CCM2: variants seen among roughly 807,000 people sequenced by gnomAD.
The protein encoded by CCM2 is cerebral cavernous malformations 2 protein.
CCM2 carries 25 observed loss-of-function variants against 44.9 expected under a neutral mutation model. That is an observed-to-expected ratio of 0.56 (90% CI 0.41 to 0.78). The LOEUF (loss-of-function observed/expected upper bound fraction) is 0.78. Ranked by LOEUF, CCM2 falls within the 30% of genes least tolerant of loss-of-function variation. CCM2 has a pLI of 0.00. For missense variants in CCM2, 481 were observed against 580.6 expected, an observed-to-expected ratio of 0.83 and a Z score of 1.76; for synonymous variants, 219 against 241.1, an observed-to-expected ratio of 0.91 and a Z score of 0.85.
Position 45,051,554 on chromosome 7 carries a change from C to T in CCM2, c.205-12364C>T, listed in dbSNP as rs573280188. Among the ~76,000 whole-genome samples, 11 of 151,662 alleles carry T rather than the reference C, an allele frequency of 7.3e-5. No individual in the cohort carries two copies. The East Asian group carries it at 1.8e-3, about 24-fold the overall frequency. On this transcript the variant is annotated intron_variant, in intron 2 of 9. Coordinates refer to ENST00000258781, the MANE Select transcript of CCM2 (RefSeq NM_031443.4). ...CCGGGACTACAGGCGCCCGTCACCA[C>T]GCCTGGCTAATTTATTTATTTATTG...
intron 5 of CCM2, among the ~76,000 whole-genome samples, chr7:45,068,907 TTC>T (rs1798918800): frequency 6.6e-6 from 1 of 152,142 alleles, no homozygotes; most frequent in Admixed American, 6.5e-5. Context: ...CCCCAGCAAC[TTC>T]TCTGAGACCA....
chr7:45,006,272 G>A (rs1795844030), intron 1 of CCM2, among the ~76,000 whole-genome samples: 1 of 152,060 alleles, frequency 6.6e-6, no homozygotes, highest in South Asian at 2.1e-4. Flanking sequence ...TCCCCTCAGA[G>A]TCATGTGCTG....
intron 2 of CCM2, among the ~76,000 whole-genome samples, chr7:45,056,729 T>A (rs79400591): frequency 0.016 from 2,416 of 152,340 alleles, 27 homozygotes; most frequent in Middle Eastern, 0.092. Context: ...TATTAATCCC[T>A]TATCAGATAT....
intron 6 of CCM2, 130 bp downstream of exon 6, chr7:45,070,091 C>A: frequency 8.2e-7 from 1 of 1,217,966 alleles, no homozygotes; most frequent in Non-Finnish European, 1.2e-6. Flanking sequence ...CTTTTGTTTC[C>A]AGACTTTGCT....
intron 2 of CCM2, among the ~76,000 whole-genome samples, chr7:45,046,903 A>G (rs1466494257): frequency 1.3e-5 from 2 of 152,246 alleles, no homozygotes; most frequent in Non-Finnish European, 2.9e-5. Flanking sequence ...CGATTAAGAC[A>G]TAAGCAAAAG....
chr7:45,061,901 A>G (rs930443056), intron 2 of CCM2, among the ~76,000 whole-genome samples: 11 of 152,130 alleles, frequency 7.2e-5, no homozygotes, highest in African/African-American at 2.7e-4. Flanking sequence ...TCAGACTGGT[A>G]TGGGGACCTC....
chr7:45,072,928 A>G (rs1290387145), intron 7 of CCM2, 145 bp downstream of exon 7: 2 of 740,836 alleles, frequency 2.7e-6, no homozygotes, highest in Admixed American at 3.9e-5. Flanking sequence ...AGCTTAGTGA[A>G]TGGCTGAGGC....
chr7:45,055,857 C>T (rs918116402), intron 2 of CCM2, among the ~76,000 whole-genome samples: 1 of 152,086 alleles, frequency 6.6e-6, no homozygotes, highest in African/African-American at 2.4e-5. Flanking sequence ...CTCCCACAGC[C>T]CCTGGCAACC....
chr7:45,042,090 A>G (rs1220890136), intron 2 of CCM2, among the ~76,000 whole-genome samples: 1 of 152,104 alleles, frequency 6.6e-6, no homozygotes, highest in East Asian at 1.9e-4. Context: ...CCTGACCAAC[A>G]TGGTGAAACC....
chr7:45,033,207 C>A (rs1399016011), intron 1 of CCM2, among the ~76,000 whole-genome samples: 3 of 152,170 alleles, frequency 2.0e-5, no homozygotes, highest in African/African-American at 7.2e-5. Flanking sequence ...TTCTCACTGC[C>A]TAACTGCAGA....
At chr7:45,055,902 T>C (rs892844719) in intron 2 of CCM2, among the ~76,000 whole-genome samples, 1 of 152,248 alleles carries the variant, frequency 6.6e-6, no homozygotes, top group African/African-American at 2.4e-5. Flanking sequence ...ATTTGACTAC[T>C]CTAGGTATCT....
chr7:45,022,833 C>T (rs759513383), intron 1 of CCM2, among the ~76,000 whole-genome samples: 7 of 151,916 alleles, frequency 4.6e-5, no homozygotes, highest in East Asian at 1.9e-4. Flanking sequence ...CTCTGCCTCC[C>T]GACCTCAAGC....
Position 45,075,817 on chromosome 7 carries a change from C to T in CCM2, c.1095C>T (p.Phe365=), listed in dbSNP as rs199522537. The change falls in exon 10 of 10, where the codon TTC becomes TTT. Residue 365 remains phenylalanine, a synonymous_variant. Coordinates refer to ENST00000258781, the MANE Select transcript of CCM2 (RefSeq NM_031443.4). ...TCCCTGAGAAGGACAGCCAGCACTT[C>T]GAGAACTTCCTGGAGACCATTGGCG... ...PFIPEKDSQH[F]ENFLETIGVK... is the part of the protein sequence containing the mutation. The T allele has an allele frequency of 2.7e-5, 43 of 1,613,658 alleles. No homozygotes were observed. The highest frequency in any genetic ancestry group is 1.3e-4 in the Admixed American group (8 of 60,004).
chr7:45,064,610 C>A lies in CCM2; in HGVS notation c.436C>A (p.Arg146=). The part of the protein sequence containing the change: ...IHDIAAVSYV[R]DDAAHLVVLK... ...TGACATCGCCGCCGTCTCCTATGTT[C>A]GGGATGACGCTGCACACCTGGTGGT... The change falls in exon 4 of 10, where the codon CGG becomes AGG. Residue 146 remains arginine (R), a synonymous_variant. Transcript: ENST00000258781. The A allele has an allele frequency of 1.2e-6, 2 of 1,613,964 alleles. No homozygotes were observed. The highest frequency in any genetic ancestry group is 2.2e-5 in the South Asian group (2 of 91,070).
intron 2 of CCM2, among the ~76,000 whole-genome samples, chr7:45,043,273 T>G (rs1369972868): frequency 6.6e-6 from 1 of 152,146 alleles, no homozygotes; most frequent in African/African-American, 2.4e-5. Context: ...TTGGAATATT[T>G]TCTGACTCAT....
intron 2 of CCM2, among the ~76,000 whole-genome samples, chr7:45,040,240 C>T (rs567834365): frequency 1.2e-4 from 18 of 151,860 alleles, no homozygotes; most frequent in Admixed American, 3.3e-4. Context: ...AAAAATTAGC[C>T]GGGCGCGGTG....
At chr7:45,044,339 T>A (rs1471677402) in intron 2 of CCM2, among the ~76,000 whole-genome samples, 1 of 152,152 alleles carries the variant, frequency 6.6e-6, no homozygotes, top group Non-Finnish European at 1.5e-5. Flanking sequence ...GGTTTCACCG[T>A]GTTGGTCAGG....
chr7:45,026,355 T>C (rs957483312), intron 1 of CCM2, among the ~76,000 whole-genome samples: 1 of 152,190 alleles, frequency 6.6e-6, no homozygotes, highest in African/African-American at 2.4e-5. Flanking sequence ...ACATCTGTGG[T>C]ATATGGAATA....
chr7:45,000,436 C>T, intron 1 of CCM2, 73 bp downstream of exon 1: 2 of 240,292 alleles, frequency 8.3e-6, no homozygotes, highest in Non-Finnish European at 6.9e-6. Flanking sequence ...GTGGGGTGGG[C>T]GGGTGTTCCT....
Sources: allele counts gnomAD v4.1 joint callset (sites outside exome capture counted in the v4.1 genomes callset), GRCh38; gene constraint gnomAD v4.1.1; transcripts MANE v1.5; gene names NCBI Gene and HGNC (gene_info 2026-07-23, HGNC 2026-07-21).